RUNX1: variants seen among roughly 807,000 people sequenced by gnomAD.
RUNX1 encodes the protein RUNX family transcription factor 1, also known as runt-related transcription factor 1.
RUNX1 carries 19 observed loss-of-function variants against 42.8 expected under a neutral mutation model. That is an observed-to-expected ratio of 0.44 (90% CI 0.31 to 0.65). RUNX1 has a LOEUF of 0.65. Among genes scored for constraint, RUNX1 ranks in the 30% least tolerant of loss-of-function variants. The probability of loss-of-function intolerance (pLI) is 0.07; values close to 1 mark genes in which losing one functional copy is unlikely to be tolerated. For missense variants in RUNX1, 528 were observed against 672.0 expected (o/e 0.79, Z 2.37); for synonymous variants, 271 against 289.4 (o/e 0.94, Z 0.64).
At chr21:34,796,765 C>G (rs1489698583) in intron 8 of RUNX1, among the ~76,000 whole-genome samples, 1 of 152,088 alleles carries the variant, frequency 6.6e-6, no homozygotes, top group Non-Finnish European at 1.5e-5. Context: ...TGCATGCTGT[C>G]TGTCGCCCAG....
At chr21:35,021,996 C>T (rs913389715) in intron 2 of RUNX1, among the ~76,000 whole-genome samples, 8 of 152,156 alleles carry the variant, frequency 5.3e-5, no homozygotes, top group Admixed American at 1.3e-4. Flanking sequence ...CAGGAGCAGG[C>T]GAGAATGATC....
At chr21:34,853,521 T>G (rs1184820748) in intron 6 of RUNX1, among the ~76,000 whole-genome samples, 1 of 152,208 alleles carries the variant, frequency 6.6e-6, no homozygotes, top group Non-Finnish European at 1.5e-5. Flanking sequence ...TTAGTTTACA[T>G]GCTGGCTTAC....
At chr21:34,899,928 T>G (rs1045566237) in intron 2 of RUNX1, among the ~76,000 whole-genome samples, 2 of 152,168 alleles carry the variant, frequency 1.3e-5, no homozygotes. Context: ...GATGATTGCT[T>G]GAGCACAGGA....
chr21:34,795,742 G>A (rs1276165881), intron 8 of RUNX1, among the ~76,000 whole-genome samples: 1 of 152,176 alleles, frequency 6.6e-6, no homozygotes, highest in Non-Finnish European at 1.5e-5. Context: ...AGCAAGCCCT[G>A]TGTCACTTGT....
intron 7 of RUNX1, chr21:34,833,879 A>C: frequency 4.0e-6 from 1 of 250,130 alleles, no homozygotes; most frequent in Non-Finnish European, 8.1e-6. Context: ...TTCTCTATTG[A>C]TTTGCAAATA....
intron 7 of RUNX1, among the ~76,000 whole-genome samples, chr21:34,803,347 A>G (rs2056634181): frequency 6.6e-6 from 1 of 152,070 alleles, no homozygotes; most frequent in Non-Finnish European, 1.5e-5. Context: ...GGAGATCGAG[A>G]CCATCCTCGC....
intron 7 of RUNX1, among the ~76,000 whole-genome samples, chr21:34,800,149 TA>T (rs990955190): frequency 6.6e-6 from 1 of 152,188 alleles, no homozygotes; most frequent in Non-Finnish European, 1.5e-5. Context: ...TCAGAGTTTT[TA>T]GCAGGTATTT....
chr21:34,832,862 T>C (rs1015991709), intron 7 of RUNX1: 2 of 152,208 alleles, frequency 1.3e-5, no homozygotes, highest in African/African-American at 4.8e-5. Context: ...AATGAACCTA[T>C]AGATGACAGG....
chr21:34,888,202 G>C, intron 3 of RUNX1: 1 of 1,066,790 alleles, frequency 9.4e-7, no homozygotes, highest in Non-Finnish European at 1.1e-6. Flanking sequence ...GCACCCGCCG[G>C]TTAGCTGCTC....
intron 2 of RUNX1, among the ~76,000 whole-genome samples, chr21:35,030,659 C>T (rs2059266590): frequency 6.6e-6 from 1 of 152,124 alleles, no homozygotes. Context: ...TGCCATTGGT[C>T]TGGGCAAAGA....
intron 2 of RUNX1, among the ~76,000 whole-genome samples, chr21:34,989,519 C>G (rs1481106567): frequency 2.0e-5 from 3 of 152,096 alleles, no homozygotes; most frequent in Non-Finnish European, 4.4e-5. Flanking sequence ...TCCCAGGCTT[C>G]TGAAATCATC....
chr21:34,944,508 A>C (rs1292163651), intron 2 of RUNX1, among the ~76,000 whole-genome samples: 3 of 152,206 alleles, frequency 2.0e-5, no homozygotes, highest in African/African-American at 7.2e-5. Flanking sequence ...CCAGCACTGA[A>C]ATATGTGGTT....
intron 8 of RUNX1, among the ~76,000 whole-genome samples, chr21:34,794,569 C>T (rs184589411): frequency 9.8e-4 from 150 of 152,336 alleles, no homozygotes; most frequent in Admixed American, 3.5e-3. Context: ...CACTTTGTTA[C>T]GACTGTACAT....
At chr21:34,978,220 G>A (rs995025601) in intron 2 of RUNX1, among the ~76,000 whole-genome samples, 4 of 152,198 alleles carry the variant, frequency 2.6e-5, no homozygotes, top group Non-Finnish European at 5.9e-5. Flanking sequence ...TTACAGGCAT[G>A]AGCCACCGCG....
chr21:34,799,135 T>C (rs536378753), intron 8 of RUNX1, among the ~76,000 whole-genome samples, 166 bp downstream of exon 8: 4 of 152,354 alleles, frequency 2.6e-5, no homozygotes, highest in Admixed American at 1.3e-4. Flanking sequence ...CTGCCTCTTA[T>C]GTATCCAAGA....
At chr21:34,887,402 C>T in intron 3 of RUNX1, 1 of 1,397,574 alleles carries the variant, frequency 7.2e-7, no homozygotes, top group South Asian at 1.6e-5. Flanking sequence ...TTCCACGAAT[C>T]TTGCTTGCAG....
chr21:35,031,245 G>C (rs2059270897), intron 2 of RUNX1, among the ~76,000 whole-genome samples: 1 of 152,242 alleles, frequency 6.6e-6, no homozygotes, highest in Non-Finnish European at 1.5e-5. Context: ...CTACTCGGGA[G>C]GCTGAGGCAA....
At chr21:34,905,811 A>G (rs192009099) in intron 2 of RUNX1, among the ~76,000 whole-genome samples, 3 of 152,366 alleles carry the variant, frequency 2.0e-5, no homozygotes, top group East Asian at 3.9e-4. Context: ...ATAAATATCT[A>G]GAAAATGCTG....
chr21:34,859,079 C>T (rs181180039), intron 6 of RUNX1, among the ~76,000 whole-genome samples: 86 of 152,294 alleles, frequency 5.6e-4, no homozygotes, highest in African/African-American at 2.0e-3. Flanking sequence ...GGTAATTACT[C>T]CCTTGTGGTC....
Sources: gnomAD v4.1 joint callset for allele counts (sites outside exome capture counted in the v4.1 genomes callset) on GRCh38, gnomAD v4.1.1 for gene constraint, MANE v1.5 for transcripts, NCBI Gene and HGNC (gene_info 2026-07-23, HGNC 2026-07-21) for gene names.